The following SUMF2 variants were observed in gnomAD, a reference collection of about 807,000 sequenced individuals.
The protein encoded by SUMF2 is inactive C-alpha-formylglycine-generating enzyme 2.
SUMF2 carries 45 observed loss-of-function variants against 44.8 expected under a neutral mutation model. The ratio of observed to expected loss-of-function variants is 1.00; its 90% confidence interval spans 0.79 to 1.29. SUMF2 has a LOEUF of 1.29. Among genes scored for constraint, SUMF2 ranks in the 50% most tolerant of loss-of-function variants. The probability of loss-of-function intolerance (pLI) is 0.00; values close to 1 mark genes in which losing one functional copy is unlikely to be tolerated. For missense variants in SUMF2, 418 were observed against 389.9 expected, an observed-to-expected ratio of 1.07 and a Z score of -0.61; for synonymous variants, 148 against 150.4, an observed-to-expected ratio of 0.98 and a Z score of 0.12.
Position 56,078,455 on chromosome 7 carries a change from C to T in SUMF2, c.768C>T (p.Ser256=). ...ACATGCGCGTCCTCCGGGGGGCATC[C>T]TGGATCGACACAGCTGATGGCTCTG... The part of the protein sequence containing the change: ...EQDMRVLRGA[S]WIDTADGSAN... The change falls in exon 8 of 9, where the codon TCC becomes TCT. Residue 256 remains serine, a synonymous_variant. Transcript: ENST00000434526. The T allele has an allele frequency of 6.2e-7, 1 of 1,606,706 alleles. No individual in the cohort carries two copies. Among genetic ancestry groups the T allele is most frequent in the African/African-American group, 1.3e-5 (1 of 74,856 alleles).
chr7:56,076,667 G>C (rs914525024), intron 5 of SUMF2, 167 bp from the exon 6 acceptor site: 6 of 591,284 alleles, frequency 1.0e-5, no homozygotes, highest in African/African-American at 1.9e-5. Context: ...CTCTAATGCA[G>C]TTCAGCGAGT....
downstream of SUMF2, among the ~76,000 whole-genome samples, chr7:56,085,263 A>C (rs569927582): frequency 4.0e-5 from 6 of 151,556 alleles, no homozygotes; most frequent in South Asian, 1.3e-3. Context: ...GCCTGGCCTT[A>C]ATTTTATATT....
downstream of SUMF2, chr7:56,083,231 A>G (rs774874067): frequency 6.3e-7 from 1 of 1,584,090 alleles, no homozygotes; most frequent in Admixed American, 1.7e-5. Flanking sequence ...CAGATGGTTG[A>G]TTGAGCACCC....
the SUMF2 span, chr7:56,086,811 C>G: frequency 1.6e-6 from 1 of 628,402 alleles, no homozygotes; most frequent in African/African-American, 1.8e-5. Flanking sequence ...CCAAAGCCGG[C>G]AGCCTGACCC....
intron 2 of SUMF2, among the ~76,000 whole-genome samples, chr7:56,071,937 C>G (rs183740712): frequency 0.029 from 4,390 of 150,842 alleles, 83 homozygotes; most frequent in Non-Finnish European, 0.033. Context: ...TGGTGAAACC[C>G]GTCTCTACTA....
Position 56,074,587 on chromosome 7 carries a change from C to T in SUMF2, c.386C>T (p.Pro129Leu). The change falls in exon 5 of 9, where the codon CCT becomes CTT. Residue 129 changes from proline (P) to leucine (L), a missense_variant and splice_region_variant. Coordinates refer to ENST00000434526, the MANE Select transcript of SUMF2 (RefSeq NM_015411.4). ...LPVEKAFWRQ[P>L]AGPGSGIRER... is the part of the protein sequence containing the mutation. ...GTCTCACTTAATCCTGGCTGTCAGC[C>T]TGCAGGTCCTGGCTCTGGCATCCGA... The T allele has an allele frequency of 1.2e-6, 2 of 1,613,960 alleles. No individual in the cohort carries two copies. Among genetic ancestry groups the T allele is most frequent in the South Asian group, 2.2e-5 (2 of 91,078 alleles).
chr7:56,071,816 T>TAAA (rs1562863165), intron 2 of SUMF2, among the ~76,000 whole-genome samples: 17 of 118,094 alleles, frequency 1.4e-4, no homozygotes, highest in Non-Finnish European at 2.4e-4. Context: ...AAATAAATAA[T>TAAA]TAAATAAAAA....
intron 3 of SUMF2, chr7:56,073,595 G>A: frequency 5.0e-6 from 1 of 199,090 alleles, no homozygotes; most frequent in Non-Finnish European, 1.1e-5. Flanking sequence ...AGTGAGCCGA[G>A]ATGGCGCCAC....
intron 8 of SUMF2, chr7:56,078,782 T>TGGAGAAA (rs1490103876): frequency 1.1e-5 from 5 of 439,282 alleles, no homozygotes; most frequent in Non-Finnish European, 1.6e-5. Context: ...TTATGGGGTT[T>TGGAGAAA]CTCCTCTTGT....
chr7:56,084,582 C>T (rs941368749), downstream of SUMF2, among the ~76,000 whole-genome samples: 1 of 152,042 alleles, frequency 6.6e-6, no homozygotes, highest in African/African-American at 2.4e-5. Flanking sequence ...TCATGTTGCC[C>T]AGGCTGGTCT....
At chr7:56,084,371 T>TTTA (rs1796160844), downstream of SUMF2, 1 of 93,796 alleles carries the variant, frequency 1.1e-5, no homozygotes, top group African/African-American at 3.5e-5. Flanking sequence ...AGTATCCCGA[T>TTTA]TTTTTTTTTT....
At chr7:56,083,590 A>G, downstream of SUMF2, 1 of 1,507,952 alleles carries the variant, frequency 6.6e-7, no homozygotes, top group Non-Finnish European at 9.1e-7. Context: ...CTGAGACCCC[A>G]GTGCCTGTGG....
At chr7:56,075,917 C>T (rs1281974046) in intron 5 of SUMF2, among the ~76,000 whole-genome samples, 3 of 151,894 alleles carry the variant, frequency 2.0e-5, no homozygotes, top group Non-Finnish European at 4.4e-5. Context: ...GGCTGGAGTA[C>T]AGTGGCACGA....
At chr7:56,073,667 C>A (rs1048684696) in intron 3 of SUMF2, 8 of 172,468 alleles carry the variant, frequency 4.6e-5, no homozygotes, top group Non-Finnish European at 8.7e-5. Context: ...AAAGAGAGAT[C>A]ACCTTGGCAA....
chr7:56,075,357 A>G (rs1795465159), intron 5 of SUMF2, among the ~76,000 whole-genome samples: 1 of 152,026 alleles, frequency 6.6e-6, no homozygotes, highest in African/African-American at 2.4e-5. Flanking sequence ...AAGAATTACC[A>G]AGACTACACA....
intron 2 of SUMF2, among the ~76,000 whole-genome samples, chr7:56,068,879 T>G (rs1794988548): frequency 6.6e-6 from 1 of 151,670 alleles, no homozygotes; most frequent in Admixed American, 6.6e-5. Context: ...ATTTTTTTTT[T>G]TTTGTATTTT....
chr7:56,068,361 A>T, intron 1 of SUMF2, 121 bp from the exon 2 acceptor site: 1 of 1,010,560 alleles, frequency 9.9e-7, no homozygotes, highest in Non-Finnish European at 1.4e-6. Flanking sequence ...CCAGATTTTT[A>T]AGCCTCCACA....
chr7:56,068,327 G>A (rs564590654), intron 1 of SUMF2, among the ~76,000 whole-genome samples, 155 bp from the exon 2 acceptor site: 2 of 152,088 alleles, frequency 1.3e-5, no homozygotes, highest in Admixed American at 1.3e-4. Flanking sequence ...GAGCCACCGT[G>A]CCCAGCCCAA....
the SUMF2 span, among the ~76,000 whole-genome samples, chr7:56,086,615 C>T: frequency 1.3e-5 from 2 of 152,024 alleles, no homozygotes; most frequent in Admixed American, 6.6e-5. Flanking sequence ...CAGCCTCCCG[C>T]GTAGCTGGGG....
Sources: gnomAD v4.1 joint callset for allele counts (sites outside exome capture counted in the v4.1 genomes callset) on GRCh38, gnomAD v4.1.1 for gene constraint, MANE v1.5 for transcripts, NCBI Gene and HGNC (gene_info 2026-07-23, HGNC 2026-07-21) for gene names.